EFCAB7: variants seen among roughly 807,000 people sequenced by gnomAD.
EFCAB7 encodes the protein EF-hand calcium binding domain 7.
In EFCAB7, 66 loss-of-function variants were observed where a neutral mutation model predicts 77.1. The observed-to-expected ratio is 0.86, with a 90% CI of 0.70 to 1.05. EFCAB7 has a LOEUF of 1.05. Ranked by LOEUF, EFCAB7 falls within the 50% of genes least tolerant of loss-of-function variation. The pLI, the probability that EFCAB7 is intolerant of heterozygous loss-of-function variation, is 0.00. For missense variants in EFCAB7, 638 were observed against 730.5 expected (o/e 0.87, Z 1.46); for synonymous variants, 225 against 243.3 (o/e 0.92, Z 0.70).
At position 63,559,882 on chromosome 1, in the gene EFCAB7, A is replaced by G. The variant is rs191247527; in HGVS notation, c.1349-1827A>G. On this transcript the variant is annotated intron_variant, in intron 10 of 13. Coordinates refer to ENST00000371088, the MANE Select transcript of EFCAB7 (RefSeq NM_032437.4). ...GCTCTCTATTCTGTTCCATTGATCT[A>G]TTCATCATTATTTCACCATTACCAC... Among the ~76,000 whole-genome samples, 13 of 152,044 alleles carry G rather than the reference A, an allele frequency of 8.6e-5. No individual in the cohort carries two copies. In the East Asian group the frequency reaches 1.7e-3, roughly 20 times the overall value.
chr1:63,550,636 T>TTA (rs1557681090), intron 7 of EFCAB7: 3 of 141,576 alleles, frequency 2.1e-5, no homozygotes, highest in African/African-American at 7.7e-5. Context: ...TTTGAAACAT[T>TTA]AAAAAAAAAA....
chr1:63,537,125 C>T (rs1336742975), intron 6 of EFCAB7, among the ~76,000 whole-genome samples: 1 of 152,114 alleles, frequency 6.6e-6, no homozygotes, highest in African/African-American at 2.4e-5. Flanking sequence ...TTCCATTGGC[C>T]ATACTTAGTT....
At chr1:63,583,522 G>T in the EFCAB7 span, among the ~76,000 whole-genome samples, 1 of 152,080 alleles carries the variant, frequency 6.6e-6, no homozygotes, top group Admixed American at 6.6e-5. Flanking sequence ...CAACACTGAA[G>T]GTGTCAATGA....
At chr1:63,551,381 A>C (rs1429294099) in intron 7 of EFCAB7, among the ~76,000 whole-genome samples, 1 of 152,234 alleles carries the variant, frequency 6.6e-6, no homozygotes, top group African/African-American at 2.4e-5. Flanking sequence ...TCATGAGGTC[A>C]GGAGATCGAG....
intron 10 of EFCAB7, among the ~76,000 whole-genome samples, chr1:63,558,207 T>G (rs1647053418): frequency 6.6e-6 from 1 of 152,218 alleles, no homozygotes; most frequent in Non-Finnish European, 1.5e-5. Context: ...ATCTTGTAAC[T>G]TTAATGATAT....
intron 10 of EFCAB7, among the ~76,000 whole-genome samples, chr1:63,559,317 A>G: frequency 6.6e-6 from 1 of 151,322 alleles, no homozygotes. Flanking sequence ...AAAAAAAAAA[A>G]AAAAAAAATA....
the EFCAB7 span, among the ~76,000 whole-genome samples, chr1:63,581,839 A>G: frequency 3.9e-5 from 6 of 152,106 alleles, no homozygotes; most frequent in Non-Finnish European, 8.8e-5. Flanking sequence ...CATTTACTAC[A>G]TAAAATCTAC....
chr1:63,571,523 A>G (rs925818963), intron 13 of EFCAB7, among the ~76,000 whole-genome samples: 1 of 151,932 alleles, frequency 6.6e-6, no homozygotes, highest in African/African-American at 2.4e-5. Flanking sequence ...AAATACAAAA[A>G]TTAGCCGGAC....
chr1:63,583,966 G>A, the EFCAB7 span, among the ~76,000 whole-genome samples: 2 of 150,026 alleles, frequency 1.3e-5, no homozygotes, highest in Non-Finnish European at 3.0e-5. Context: ...AAAAGTGGGA[G>A]GTGAAAGGTT....
Position 63,555,526 on chromosome 1 carries a change from T to C in EFCAB7, c.1214+11T>C. ...TACAAAGGAATTTAAGTAAGTTTTG[T>C]TTATTAATGTTAGAATTATAACATC... On this transcript the variant is annotated intron_variant, in intron 9 of 13. Coordinates refer to ENST00000371088, the MANE Select transcript of EFCAB7 (RefSeq NM_032437.4). 6.2e-7 allele frequency: 1 copy of C among 1,607,992 alleles called. No homozygotes were observed. The highest frequency in any genetic ancestry group is 1.1e-5 in the South Asian group (1 of 90,510).
chr1:63,560,393 C>T (rs760891693), intron 10 of EFCAB7, among the ~76,000 whole-genome samples: 4 of 151,620 alleles, frequency 2.6e-5, no homozygotes, highest in Non-Finnish European at 4.4e-5. Context: ...TTTTTTTCAT[C>T]GTTTCTACAT....
intron 7 of EFCAB7, chr1:63,548,871 T>G (rs1646930747): frequency 6.5e-6 from 1 of 153,354 alleles, no homozygotes; most frequent in South Asian, 2.1e-4. Flanking sequence ...GATTTATATT[T>G]TAACAAGAGC....
In EFCAB7 at chr1:63,531,986, T is replaced by A; in HGVS notation, c.354T>A (p.Asp118Glu). The change falls in exon 3 of 14, where the codon GAT becomes GAA. Residue 118 changes from aspartate to glutamate, a missense_variant. Coordinates refer to ENST00000371088, the MANE Select transcript of EFCAB7 (RefSeq NM_032437.4). The stretch of plus-strand genomic sequence containing the variant: ...CATTTAAGCAATTAGATGTAAATGA[T>A]GATGGCTGTATTTTACACACTGACC... ...LKSFKQLDVN[D>E]DGCILHTDLY... 1 of 1,612,482 alleles carries A rather than the reference T, an allele frequency of 6.2e-7. No individual in the cohort carries two copies. The highest frequency in any genetic ancestry group is 8.5e-7 in the Non-Finnish European group (1 of 1,178,936).
chr1:63,547,041 C>A (rs767150879), intron 7 of EFCAB7: 4 of 152,052 alleles, frequency 2.6e-5, no homozygotes, highest in Non-Finnish European at 4.4e-5. Flanking sequence ...CTAAAGGATT[C>A]CCACCTCCCC....
chr1:63,540,431 G>GTATC (rs1284884218), intron 6 of EFCAB7, among the ~76,000 whole-genome samples: 1 of 147,632 alleles, frequency 6.8e-6, no homozygotes, highest in African/African-American at 2.5e-5. Flanking sequence ...GAACCTCATT[G>GTATC]TATCACAGAT....
rs1646732562 is a variant in EFCAB7, at chr1:63,534,034, G to GA, written c.683-55dup. On this transcript the variant is annotated intron_variant, in intron 5 of 13. Transcript: ENST00000371088. ...GATCTTTTATACTGCACTGTGTTTG[G>GA]AAAAAACTCCTATTGACAACTTTTC... 5 of 1,596,102 alleles carry GA rather than the reference G, an allele frequency of 3.1e-6. No homozygotes were observed. In the South Asian group the frequency reaches 3.4e-5, roughly 11 times the overall value.
At chr1:63,565,507 A>G (rs1647160256) in intron 11 of EFCAB7, among the ~76,000 whole-genome samples, 1 of 152,214 alleles carries the variant, frequency 6.6e-6, no homozygotes, top group East Asian at 1.9e-4. Flanking sequence ...GCCACAAGCA[A>G]TTGCAACAAA....
chr1:63,526,311 G>T (rs893368581), intron 2 of EFCAB7, among the ~76,000 whole-genome samples: 3 of 151,882 alleles, frequency 2.0e-5, no homozygotes, highest in Admixed American at 2.0e-4. Flanking sequence ...ACCAAATTTG[G>T]TTCTTTCCAG....
intron 11 of EFCAB7, among the ~76,000 whole-genome samples, chr1:63,565,893 A>G (rs1350831203): frequency 6.6e-6 from 1 of 152,198 alleles, no homozygotes. Flanking sequence ...ATGCTTATAC[A>G]CTGTTGGTGG....
Sources: allele counts gnomAD v4.1 joint callset (sites outside exome capture counted in the v4.1 genomes callset), GRCh38; gene constraint gnomAD v4.1.1; transcripts MANE v1.5; gene names NCBI Gene and HGNC (gene_info 2026-07-23, HGNC 2026-07-21).